Variants in ITGA6 observed in about 807,000 individuals in gnomAD.
The protein encoded by ITGA6 is integrin alpha-6.
ITGA6 carries 63 observed loss-of-function variants against 133.6 expected under a neutral mutation model. That is an observed-to-expected ratio of 0.47 (90% CI 0.38 to 0.58). ITGA6 has a LOEUF of 0.58. Ranked by LOEUF, ITGA6 falls within the 20% of genes least tolerant of loss-of-function variation. The pLI is 0.00. For synonymous variants in ITGA6, 434 were observed against 482.0 expected (o/e 0.90, Z 1.30); for missense variants, 1,068 against 1,309.4 (o/e 0.82, Z 2.85).
intron 1 of ITGA6, among the ~76,000 whole-genome samples, chr2:172,461,290 G>A (rs201134265): frequency 1.3e-5 from 2 of 152,112 alleles, no homozygotes; most frequent in East Asian, 3.9e-4. Context: ...TGCCTTTTAA[G>A]TGTGGGTTTC....
intron 4 of ITGA6, among the ~76,000 whole-genome samples, chr2:172,470,005 T>C (rs1388067645): frequency 1.3e-5 from 2 of 152,178 alleles, no homozygotes; most frequent in African/African-American, 4.8e-5. Context: ...ACTGTGTATG[T>C]ATAGAAAATG....
intron 1 of ITGA6, among the ~76,000 whole-genome samples, chr2:172,461,823 C>G (rs1010203223): frequency 2.0e-5 from 3 of 152,198 alleles, no homozygotes; most frequent in African/African-American, 7.2e-5. Context: ...TGTACCCACT[C>G]TGCTAGCTCA....
At chr2:172,498,409 A>C (rs1687217297) in intron 24 of ITGA6, among the ~76,000 whole-genome samples, 1 of 152,230 alleles carries the variant, frequency 6.6e-6, no homozygotes, top group Non-Finnish European at 1.5e-5. Context: ...CACCTAAGAT[A>C]TAAGTCTGGA....
rs1574426202 is a variant in ITGA6, at chr2:172,504,689, A to G, written c.*621A>G. The stretch of plus-strand genomic sequence containing the variant: ...GTTAGCTGTCCCACATCACAAGACT[A>G]TGCCATTGGGGTAGTTGTGTTTCAA... On this transcript the variant is annotated 3_prime_UTR_variant, in exon 26 of 26. Coordinates refer to ENST00000684293, the MANE Select transcript of ITGA6 (RefSeq NM_000210.4). The G allele has an allele frequency of 1.3e-5, 2 of 154,448 alleles. No individual in the cohort carries two copies. Among genetic ancestry groups the G allele is most frequent in the South Asian group, 2.0e-4 (1 of 4,974 alleles). 9.6% of individuals were successfully genotyped at this position (154,448 alleles called of 1,614,324 possible).
Position 172,469,362 on chromosome 2 carries a change from G to A in ITGA6, c.625G>A (p.Gly209Ser). The A allele has an allele frequency of 6.2e-7, 1 of 1,613,818 alleles. No homozygotes were observed. ...DFHYIVFGAPGTYNWKGIVRV... is the reference protein window; with the variant it reads ...DFHYIVFGAPSTYNWKGIVRV... ...TCATTACATTGTATTTGGAGCCCCGGGTACTTATAACTGGAAAGGTATGAC... is the reference window on the plus strand; with the variant it reads ...TCATTACATTGTATTTGGAGCCCCGAGTACTTATAACTGGAAAGGTATGAC... Residue 209 changes from glycine (G) to serine (S), a missense_variant, in exon 4 of 26, where the codon GGT becomes AGT. Physicochemically the swap from Gly to Ser is moderately conservative, Grantham distance 56 (BLOSUM62 0). This residue lies in a region of ITGA6 where 317 missense variants were observed against 456.9 expected (regional missense o/e 0.69). Transcript: ENST00000684293.
In ITGA6 at chr2:172,485,208, C is replaced by T. The variant is rs746949316; in HGVS notation, c.1798C>T (p.Leu600Phe). The change falls in exon 13 of 26, where the codon CTT becomes TTT. Residue 600 changes from leucine (L) to phenylalanine (F), a missense_variant. This residue lies in a region of ITGA6 where 609 missense variants were observed against 707.2 expected (regional missense o/e 0.86). Coordinates refer to ENST00000684293, the MANE Select transcript of ITGA6 (RefSeq NM_000210.4). ...EPSSRRRVNSLPEVLPILNSD... is the reference protein window; with the variant it reads ...EPSSRRRVNSFPEVLPILNSD... Reference sequence around the variant, plus strand: ...AAGCTCTCGTAGGCGAGTGAATTCACTTCCAGAAGTTCTTCCAATTCTGAA... The same window carrying T: ...AAGCTCTCGTAGGCGAGTGAATTCATTTCCAGAAGTTCTTCCAATTCTGAA... The T allele has an allele frequency of 6.8e-6, 11 of 1,613,944 alleles. No homozygotes were observed. The South Asian group carries it at 1.1e-4, about 16-fold the overall frequency.
In ITGA6 at chr2:172,491,510, A is replaced by T. The variant is rs758767272; in HGVS notation, c.2975A>T (p.Asn992Ile). The change falls in exon 23 of 26, where the codon AAT becomes ATT. Residue 992 changes from asparagine to isoleucine, a missense_variant. Asn to Ile is a moderately radical substitution (Grantham distance 149). Around this residue, in one of 3 missense-constraint regions of ITGA6, gnomAD observed 609 missense variants for 707.2 expected, o/e 0.86. Transcript: ENST00000684293. The surrounding 1 kb of genome is among the most constrained non-coding windows in gnomAD (Gnocchi z 4.4). ...GCTGCCGAAAATATCAGGCTGCCAA[A>T]TGCAGGCACTCAGGTGAGAGGTTCC... ...TAAAENIRLP[N>I]AGTQVRVTVF... 6.8e-6 allele frequency: 11 copies of T among 1,611,764 alleles called. No individual in the cohort carries two copies. In the South Asian group the frequency reaches 1.2e-4, roughly 18 times the overall value.
At chr2:172,489,364 C>T (rs1040854039) in intron 19 of ITGA6, 121 bp from the exon 20 acceptor site, 106 of 775,702 alleles carry the variant, frequency 1.4e-4, no homozygotes, top group Non-Finnish European at 2.1e-4. Context: ...TTTTTGGAGC[C>T]TGTGCTTTTA....
intron 13 of ITGA6, among the ~76,000 whole-genome samples, chr2:172,486,360 T>A (rs1345788486): frequency 6.6e-6 from 1 of 152,114 alleles, no homozygotes; most frequent in African/African-American, 2.4e-5. Flanking sequence ...TATATTTCTG[T>A]ATACTTTTAT....
chr2:172,478,147 T>C (rs1216713746), intron 9 of ITGA6, among the ~76,000 whole-genome samples: 1 of 152,172 alleles, frequency 6.6e-6, no homozygotes, highest in African/African-American at 2.4e-5. Context: ...ATGTATCTAG[T>C]TAGTATCTTA....
chr2:172,489,470 A>G lies in ITGA6; in HGVS notation c.2506-15A>G. 2 of 1,588,368 alleles carry G rather than the reference A, an allele frequency of 1.3e-6. No individual in the cohort carries two copies. The highest frequency in any genetic ancestry group is 1.7e-6 in the Non-Finnish European group (2 of 1,156,596). On this transcript the variant is annotated splice_polypyrimidine_tract_variant and intron_variant, in intron 19 of 25. Coordinates refer to ENST00000684293, the MANE Select transcript of ITGA6 (RefSeq NM_000210.4). The stretch of plus-strand genomic sequence containing the variant: ...AGAAGATTAGACTGAGATAATATGT[A>G]TTATTTTCTAACAGGTAATAAACTT...
At chr2:172,471,922 A>G (rs1274296882) in intron 5 of ITGA6, among the ~76,000 whole-genome samples, 1 of 151,914 alleles carries the variant, frequency 6.6e-6, no homozygotes, top group Non-Finnish European at 1.5e-5. Context: ...AGTGAAGAAA[A>G]GTACCCAGAT....
intron 1 of ITGA6, among the ~76,000 whole-genome samples, chr2:172,461,517 C>T (rs1432137261): frequency 2.0e-5 from 3 of 152,206 alleles, no homozygotes; most frequent in Non-Finnish European, 4.4e-5. Context: ...TAACTCATAT[C>T]CCTTGGTCCC....
In ITGA6 at chr2:172,467,560, G is replaced by C; in HGVS notation, c.387G>C (p.Val129=). ...GCCAAGGTCCAGGGGGCAAGGTCGT[G>C]GTAAGTGTAGAGACACATGTTCATC... ...VQSQGPGGKV[V]TCAHRYEKRQ... is the part of the protein sequence containing the mutation. The change falls in exon 3 of 26, where the codon GTG becomes GTC. Residue 129 remains valine, a splice_region_variant and synonymous_variant. Transcript: ENST00000684293. The C allele has an allele frequency of 6.2e-7, 1 of 1,611,512 alleles. No individual in the cohort carries two copies. Among genetic ancestry groups the C allele is most frequent in the African/African-American group, 1.3e-5 (1 of 74,954 alleles).
intron 12 of ITGA6, 64 bp downstream of exon 12, chr2:172,485,006 T>C (rs1686602784): frequency 1.9e-6 from 3 of 1,596,274 alleles, no homozygotes; most frequent in African/African-American, 1.3e-5. Context: ...TATGGTGATA[T>C]ACAGATTTCT....
intron 1 of ITGA6, among the ~76,000 whole-genome samples, chr2:172,454,092 T>G (rs1490023454): frequency 2.6e-5 from 1 of 38,546 alleles, no homozygotes; most frequent in Non-Finnish European, 3.8e-5. Flanking sequence ...TTTTGTTTTG[T>G]TTTTTTTTTT....
At chr2:172,427,371 G>A, upstream of ITGA6, 1 of 1,008,544 alleles carries the variant, frequency 9.9e-7, no homozygotes, top group Non-Finnish European at 1.2e-6. Context: ...TCCACAGAGG[G>A]CGGCGCAGTG....
intron 13 of ITGA6, among the ~76,000 whole-genome samples, chr2:172,486,751 G>A (rs1314575205): frequency 6.6e-6 from 1 of 152,192 alleles, no homozygotes; most frequent in East Asian, 1.9e-4. Flanking sequence ...AAGGGGTAGA[G>A]CTGCGTTTCA....
At position 172,488,075 on chromosome 2, in the gene ITGA6, G is replaced by C. The variant is rs535311137; in HGVS notation, c.2402+37G>C. ...TGTTTAGCATAACAAATCAATGTTT[G>C]AAAGAACCATTTACAATCCTCATTA... On this transcript the variant is annotated intron_variant, in intron 18 of 25. Coordinates refer to ENST00000684293, the MANE Select transcript of ITGA6 (RefSeq NM_000210.4). 93 of 1,610,782 alleles carry C rather than the reference G, an allele frequency of 5.8e-5. 3 individuals are homozygous for C. In the South Asian group the frequency reaches 1.0e-3, roughly 18 times the overall value.
Sources: allele counts gnomAD v4.1 joint callset (sites outside exome capture counted in the v4.1 genomes callset), GRCh38; gene constraint gnomAD v4.1.1; regional missense constraint gnomAD v4.1.1; non-coding constraint Gnocchi (gnomAD v3.1); transcripts MANE v1.5; gene names NCBI Gene and HGNC (gene_info 2026-07-23, HGNC 2026-07-21).